The following SMYD2 variants were observed in gnomAD, a reference collection of about 807,000 sequenced individuals.
SMYD2 encodes N-lysine methyltransferase SMYD2.
In SMYD2, 53 loss-of-function variants were observed where a neutral mutation model predicts 59.1. That is an observed-to-expected ratio of 0.90 (90% CI 0.72 to 1.13). The LOEUF (loss-of-function observed/expected upper bound fraction) is 1.13, where lower values mean the gene tolerates loss of function less well. SMYD2 is among the 50% of genes most tolerant of loss of function. SMYD2 has a pLI of 0.00. For synonymous variants in SMYD2, 208 were observed against 198.8 expected (o/e 1.05, Z -0.39); for missense variants, 494 against 544.7 (o/e 0.91, Z 0.93).
intron 10 of SMYD2, 157 bp downstream of exon 10, chr1:214,332,349 C>T: frequency 1.2e-6 from 1 of 814,106 alleles, no homozygotes; most frequent in East Asian, 2.7e-5. Context: ...GGGCACTGCT[C>T]CCGAGTCAGG....
rs973788156 is a variant in SMYD2, at chr1:214,318,444, G to A, written c.409+305G>A. On this transcript the variant is annotated intron_variant, in intron 4 of 11. Coordinates refer to ENST00000366957, the MANE Select transcript of SMYD2 (RefSeq NM_020197.3). This position sits in a 1 kb window ranked among gnomAD's most constrained non-coding sequence, Gnocchi z 5.4. ...TACTTTTGGATCTTTGCTGAATTGCGTCCTCTAAATAGCTGATGTTCTTAC... is the reference window on the plus strand; with the variant it reads ...TACTTTTGGATCTTTGCTGAATTGCATCCTCTAAATAGCTGATGTTCTTAC... Among the ~76,000 whole-genome samples the A allele has an allele frequency of 3.9e-5, 6 of 152,122 alleles. No individual in the cohort carries two copies. Among genetic ancestry groups the A allele is most frequent in the Admixed American group, 2.6e-4 (4 of 15,270 alleles).
intron 2 of SMYD2, among the ~76,000 whole-genome samples, chr1:214,310,265 A>G (rs934098829): frequency 3.9e-5 from 6 of 152,060 alleles, no homozygotes; most frequent in East Asian, 1.9e-4. Context: ...AGTCATGCAC[A>G]GTAGTTATTA....
At chr1:214,306,273 T>C (rs954838051) in intron 2 of SMYD2, among the ~76,000 whole-genome samples, 7 of 152,094 alleles carry the variant, frequency 4.6e-5, no homozygotes, top group Non-Finnish European at 1.0e-4. Flanking sequence ...CTATTTCATT[T>C]TTTTTTCTTT....
intron 1 of SMYD2, among the ~76,000 whole-genome samples, chr1:214,296,126 G>T (rs1001175993): frequency 6.6e-6 from 1 of 152,206 alleles, no homozygotes; most frequent in Non-Finnish European, 1.5e-5. Flanking sequence ...ATTCATTTCA[G>T]TAGCAGAAAG....
Position 214,336,930 on chromosome 1 carries a change from C to A in SMYD2, c.*146C>A, listed in dbSNP as rs1657449834. The A allele has an allele frequency of 6.4e-6, 4 of 626,130 alleles. No homozygotes were observed. In the East Asian group the frequency reaches 1.3e-4, roughly 20 times the overall value. The allele number at this position is 626,130 out of a possible 1,614,324, so 38.8% of individuals were successfully genotyped here. ...TCTTGCACTTAAACACTGCACATGCCGTACTTTGAGGTTAGTCTGAATCTT... is the reference window on the plus strand; with the variant it reads ...TCTTGCACTTAAACACTGCACATGCAGTACTTTGAGGTTAGTCTGAATCTT... On this transcript the variant is annotated 3_prime_UTR_variant, in exon 12 of 12. Transcript: ENST00000366957.
intron 1 of SMYD2, among the ~76,000 whole-genome samples, chr1:214,304,574 A>AAAAAAAAAAAAAAC (rs1656886368): frequency 6.6e-6 from 1 of 151,294 alleles, no homozygotes; most frequent in African/African-American, 2.4e-5. Context: ...AAAAAAAAAA[A>AAAAAAAAAAAAAAC]AAAAAAAAGC....
At chr1:214,299,488 A>G (rs1656788134) in intron 1 of SMYD2, among the ~76,000 whole-genome samples, 1 of 110,442 alleles carries the variant, frequency 9.1e-6, no homozygotes, top group Non-Finnish European at 1.9e-5. Context: ...TATATACACC[A>G]TAGAATACTA....
chr1:214,335,577 G>A (rs552352310), intron 11 of SMYD2, among the ~76,000 whole-genome samples: 1 of 152,300 alleles, frequency 6.6e-6, no homozygotes, highest in South Asian at 2.1e-4. Flanking sequence ...TTCTCTGGGG[G>A]AATACTTTTT....
rs1200997114 is a variant in SMYD2 at position 214,318,860 on chromosome 1, T to C, written c.411T>C (p.His137=). ...KLLAVKEFES[H]LDKLDNEKKD... ...GAATAATGGATTATTTATCCACAGA[T>C]CTGGATAAGTTAGACAATGAGAAGA... Residue 137 remains histidine (H), a splice_region_variant and synonymous_variant, in exon 5 of 12, where the codon CAT becomes CAC. Transcript: ENST00000366957. This position sits in a 1 kb window ranked among gnomAD's most constrained non-coding sequence, Gnocchi z 5.4. The C allele has an allele frequency of 1.2e-6, 2 of 1,613,556 alleles. No homozygotes were observed. The highest frequency in any genetic ancestry group is 4.5e-5 in the East Asian group (2 of 44,868).
At chr1:214,328,394 G>A (rs957844619) in intron 7 of SMYD2, among the ~76,000 whole-genome samples, 1 of 152,204 alleles carries the variant, frequency 6.6e-6, no homozygotes, top group African/African-American at 2.4e-5. Flanking sequence ...GCTTCAGGAC[G>A]TGGAGAGAAC....
chr1:214,302,105 G>A (rs567098546), intron 1 of SMYD2, among the ~76,000 whole-genome samples: 66 of 152,234 alleles, frequency 4.3e-4, no homozygotes, highest in African/African-American at 1.6e-3. Flanking sequence ...ACTTTGGAAG[G>A]CTGAGGCTGG....
chr1:214,314,805 T>C lies in SMYD2; in HGVS notation c.281T>C (p.Val94Ala), dbSNP rs1323936111. ...PMHKLECSPMVVFGENWNPSE... is the reference protein window; with the variant it reads ...PMHKLECSPMAVFGENWNPSE... ...CACAAGCTGGAATGTTCTCCCATGG[T>C]TGTTTTTGGGGAAAACTGGAATCCC... Residue 94 changes from valine to alanine, a missense_variant, in exon 3 of 12, where the codon GTT becomes GCT. By Grantham distance (64) the Val-to-Ala change is moderately conservative. Transcript: ENST00000366957. 1.2e-6 allele frequency: 2 copies of C among 1,614,074 alleles called. No individual in the cohort carries two copies. Among genetic ancestry groups the C allele is most frequent in the South Asian group, 1.1e-5 (1 of 91,078 alleles).
intron 1 of SMYD2, among the ~76,000 whole-genome samples, chr1:214,288,818 G>T (rs1215049254): frequency 2.6e-5 from 4 of 152,026 alleles, no homozygotes. Context: ...TCCTTTTGTA[G>T]GCTTGGAATA....
chr1:214,305,633 A>G (rs1656904973), intron 2 of SMYD2, among the ~76,000 whole-genome samples: 2 of 152,188 alleles, frequency 1.3e-5, no homozygotes, highest in South Asian at 4.1e-4. Flanking sequence ...AGCAGGCTAC[A>G]TCTTACCCTT....
intron 2 of SMYD2, among the ~76,000 whole-genome samples, chr1:214,314,185 A>G (rs1466915671): frequency 6.6e-6 from 1 of 152,182 alleles, no homozygotes; most frequent in Non-Finnish European, 1.5e-5. Flanking sequence ...CAAAAAAAAA[A>G]AAGGAAAGAA....
At chr1:214,282,668 A>G (rs1656469277) in intron 1 of SMYD2, among the ~76,000 whole-genome samples, 1 of 152,028 alleles carries the variant, frequency 6.6e-6, no homozygotes, top group African/African-American at 2.4e-5. Context: ...TATTGTAGTA[A>G]TCTTGCCCAG....
intron 1 of SMYD2, among the ~76,000 whole-genome samples, chr1:214,283,638 T>C (rs1656483448): frequency 6.6e-6 from 1 of 152,218 alleles, no homozygotes; most frequent in African/African-American, 2.4e-5. Flanking sequence ...TGTATATGAC[T>C]TAGGACAAAT....
intron 1 of SMYD2, among the ~76,000 whole-genome samples, chr1:214,301,214 G>C (rs560062997): frequency 1.8e-4 from 28 of 152,214 alleles, no homozygotes; most frequent in South Asian, 1.7e-3. Context: ...CAAAAATAAA[G>C]CTTCACATAG....
At chr1:214,295,189 A>G (rs1349719093) in intron 1 of SMYD2, among the ~76,000 whole-genome samples, 2 of 152,220 alleles carry the variant, frequency 1.3e-5, no homozygotes, top group African/African-American at 4.8e-5. Context: ...ACCTTGCACA[A>G]AAGTTAAGAC....
Sources: gnomAD v4.1 joint callset for allele counts (sites outside exome capture counted in the v4.1 genomes callset) on GRCh38, gnomAD v4.1.1 for gene constraint, Gnocchi (gnomAD v3.1) non-coding constraint, MANE v1.5 for transcripts, NCBI Gene and HGNC (gene_info 2026-07-23, HGNC 2026-07-21) for gene names.